Variants in PCGF3 observed in about 807,000 individuals in gnomAD.
PCGF3 encodes polycomb group RING finger protein 3.
A neutral mutation model predicts 33.1 loss-of-function variants in PCGF3; 7 were observed. The ratio of observed to expected loss-of-function variants is 0.21; its 90% CI spans 0.12 to 0.40. The LOEUF is 0.40. PCGF3 is among the 10% of genes least tolerant of loss of function. The pLI, the probability that PCGF3 is intolerant of heterozygous loss-of-function variation, is 1.00. For synonymous variants in PCGF3, 153 were observed against 121.3 expected (o/e 1.26, Z -1.72); for missense variants, 211 against 313.3 (o/e 0.67, Z 2.46).
At chr4:707,502 C>CT (rs199710819) in intron 1 of PCGF3, among the ~76,000 whole-genome samples, 18,112 of 98,118 alleles carry the variant, frequency 0.18, 1,820 homozygotes, top group Middle Eastern at 0.31. Context: ...CCTGGGACAG[C>CT]CTGTTTTCAC....
chr4:750,371 T>G (rs1181043041), intron 8 of PCGF3, among the ~76,000 whole-genome samples: 1 of 152,212 alleles, frequency 6.6e-6, no homozygotes, highest in East Asian at 1.9e-4. Flanking sequence ...GAGATCTTCT[T>G]GCTTGTTCAC....
intron 1 of PCGF3, among the ~76,000 whole-genome samples, chr4:729,130 C>T (rs1410485133): frequency 2.1e-5 from 2 of 94,046 alleles, no homozygotes; most frequent in Admixed American, 2.4e-4. Flanking sequence ...AAAAAAAAAA[C>T]TGGGCTGGGC....
exon 11 of PCGF3, chr4:769,277 A>G (rs1745516494): frequency 6.5e-6 from 1 of 152,742 alleles, no homozygotes; most frequent in African/African-American, 2.4e-5. Context: ...TTCTCTGAAC[A>G]GCAACAGAAC....
chr4:760,853 G>C (rs907342042), intron 8 of PCGF3, among the ~76,000 whole-genome samples: 2 of 152,210 alleles, frequency 1.3e-5, no homozygotes, highest in African/African-American at 4.8e-5. Context: ...TCCGCCTGTG[G>C]CCCTGCTCAA....
At chr4:749,510 T>G (rs1184508599) in intron 8 of PCGF3, among the ~76,000 whole-genome samples, 1 of 119,972 alleles carries the variant, frequency 8.3e-6, no homozygotes, top group Non-Finnish European at 1.7e-5. Flanking sequence ...TGAGACAGTC[T>G]CACTTTGTCG....
intron 1 of PCGF3, among the ~76,000 whole-genome samples, chr4:729,785 C>T (rs1361938268): frequency 2.0e-5 from 3 of 152,148 alleles, no homozygotes; most frequent in African/African-American, 4.8e-5. Flanking sequence ...ATGATACAAA[C>T]GGGGTAGAAA....
At chr4:744,477 C>T (rs1744227385) in intron 7 of PCGF3, 123 bp from the exon 8 acceptor site, 3 of 731,902 alleles carry the variant, frequency 4.1e-6, no homozygotes, top group Admixed American at 5.0e-5. Flanking sequence ...GCTTACTCCG[C>T]TCCGGGGGTC....
intron 6 of PCGF3, among the ~76,000 whole-genome samples, chr4:741,701 C>T (rs1744098596): frequency 6.6e-6 from 1 of 152,198 alleles, no homozygotes; most frequent in African/African-American, 2.4e-5. Context: ...GCCACCGCGC[C>T]CGGCCCCAAT....
At chr4:763,791 C>T (rs929586247) in intron 9 of PCGF3, among the ~76,000 whole-genome samples, 3 of 152,224 alleles carry the variant, frequency 2.0e-5, no homozygotes, top group African/African-American at 4.8e-5. Context: ...ATTACCAAAA[C>T]CTGGAAGCGA....
chr4:710,771 G>C (rs191957702), intron 1 of PCGF3, among the ~76,000 whole-genome samples: 54 of 152,332 alleles, frequency 3.5e-4, no homozygotes. Flanking sequence ...ATTACAAGGT[G>C]TGTGTCACTG....
At chr4:718,027 A>G (rs1192020883) in intron 1 of PCGF3, among the ~76,000 whole-genome samples, 1 of 152,130 alleles carries the variant, frequency 6.6e-6, no homozygotes, top group Non-Finnish European at 1.5e-5. Flanking sequence ...CGTGTCCTTC[A>G]AGGCACAGCA....
intron 1 of PCGF3, among the ~76,000 whole-genome samples, chr4:719,687 ACGGTGCAGGG>A (rs1237738649): frequency 2.0e-5 from 3 of 152,180 alleles, no homozygotes; most frequent in East Asian, 1.9e-4. Flanking sequence ...GAGGGGCAGG[ACGGTGCAGGG>A]CGGTGCAGGC....
intron 6 of PCGF3, among the ~76,000 whole-genome samples, chr4:740,797 T>C (rs771494577): frequency 2.6e-5 from 4 of 152,220 alleles, no homozygotes; most frequent in Non-Finnish European, 5.9e-5. Flanking sequence ...CCAGCCCCAC[T>C]GGCTCAGCTG....
At chr4:718,092 C>A (rs1460361385) in intron 1 of PCGF3, among the ~76,000 whole-genome samples, 1 of 152,152 alleles carries the variant, frequency 6.6e-6, no homozygotes, top group Non-Finnish European at 1.5e-5. Flanking sequence ...TCAGAGGTGT[C>A]TGGGGCTCCC....
rs554271089 is a variant in PCGF3 at position 742,121 on chromosome 4, C to T, written c.263-1353C>T. Among the ~76,000 whole-genome samples the T allele has an allele frequency of 1.3e-3, 191 of 152,018 alleles. 1 individual carries two copies. Among genetic ancestry groups the T allele is most frequent in the African/African-American group, 4.3e-3 (179 of 41,456 alleles). ...ATCCCCTTGGCTCTCAGGGTCCCCTCCTCTCTCTGCCCAGGCTCTCGGGGT... is the reference window on the plus strand; with the variant it reads ...ATCCCCTTGGCTCTCAGGGTCCCCTTCTCTCTCTGCCCAGGCTCTCGGGGT... On this transcript the variant is annotated intron_variant, in intron 6 of 10. Coordinates refer to ENST00000362003, the Ensembl canonical transcript of PCGF3.
exon 11 of PCGF3, chr4:768,244 G>A (rs1287883125): frequency 6.6e-6 from 1 of 152,620 alleles, no homozygotes; most frequent in South Asian, 2.1e-4. Flanking sequence ...ATTTTTCTAG[G>A]AGTTCATCGT....
At chr4:758,534 C>G (rs1200214335) in intron 8 of PCGF3, among the ~76,000 whole-genome samples, 1 of 141,076 alleles carries the variant, frequency 7.1e-6, no homozygotes, top group Non-Finnish European at 1.6e-5. Context: ...CCACGCGGCC[C>G]CTCTCCCGAG....
At chr4:741,046 A>G (rs1016027499) in intron 6 of PCGF3, among the ~76,000 whole-genome samples, 1 of 152,248 alleles carries the variant, frequency 6.6e-6, no homozygotes, top group Non-Finnish European at 1.5e-5. Flanking sequence ...GTCATTGTTG[A>G]TGGCAAAGCA....
At chr4:753,952 A>G (rs938574436) in intron 8 of PCGF3, among the ~76,000 whole-genome samples, 15 of 152,184 alleles carry the variant, frequency 9.9e-5, no homozygotes, top group African/African-American at 3.6e-4. Flanking sequence ...CCCTACATTC[A>G]GCTTCCCTTG....
Sources: allele counts gnomAD v4.1 joint callset (sites outside exome capture counted in the v4.1 genomes callset), GRCh38; gene constraint gnomAD v4.1.1; transcripts MANE v1.5; gene names NCBI Gene and HGNC (gene_info 2026-07-23, HGNC 2026-07-21).